STRBP: variants seen among roughly 807,000 people sequenced by gnomAD.
STRBP encodes spermatid perinuclear RNA-binding protein.
STRBP carries 13 observed loss-of-function variants against 80.1 expected under a neutral mutation model. The ratio of observed to expected loss-of-function variants is 0.16; its 90% confidence interval spans 0.11 to 0.26. The LOEUF (loss-of-function observed/expected upper bound fraction) is 0.26, where lower values mean the gene tolerates loss of function less well. STRBP is among the 10% of genes least tolerant of loss of function. The pLI is 1.00. For missense variants in STRBP, 485 were observed against 815.2 expected, an observed-to-expected ratio of 0.59 and a Z score of 4.93; for synonymous variants, 284 against 291.2, an observed-to-expected ratio of 0.98 and a Z score of 0.25.
chr9:123,199,590 T>C (rs1326123138), intron 2 of STRBP, among the ~76,000 whole-genome samples: 1 of 152,194 alleles, frequency 6.6e-6, no homozygotes, highest in Non-Finnish European at 1.5e-5. Flanking sequence ...TGTAGAGATC[T>C]TTCACCTCCT....
At chr9:123,128,912 A>G (rs917295347) in intron 17 of STRBP, among the ~76,000 whole-genome samples, 1 of 152,230 alleles carries the variant, frequency 6.6e-6, no homozygotes, top group Non-Finnish European at 1.5e-5. Flanking sequence ...TCTGGTACCT[A>G]TGAAAAAGGC....
chr9:123,232,752 GA>G (rs1346480733), intron 2 of STRBP, among the ~76,000 whole-genome samples: 2 of 152,140 alleles, frequency 1.3e-5, no homozygotes, highest in Admixed American at 6.5e-5. Flanking sequence ...GCAGAGTTAG[GA>G]AAAAACAGTC....
At chr9:123,223,015 T>C (rs1367991789) in intron 2 of STRBP, among the ~76,000 whole-genome samples, 1 of 149,174 alleles carries the variant, frequency 6.7e-6, no homozygotes, top group Non-Finnish European at 1.5e-5. Context: ...CATCAAAGCA[T>C]AAAAAAGACA....
In STRBP at chr9:123,124,548, AT is replaced by A; in HGVS notation, c.*1048del. 1.0e-6 allele frequency: 1 copy of A among 985,410 alleles called. No individual in the cohort carries two copies. The highest frequency in any genetic ancestry group is 1.2e-6 in the Non-Finnish European group (1 of 829,928). The allele number at this position is 985,410 out of a possible 1,614,324, so 61.0% of individuals were successfully genotyped here. On this transcript the variant is annotated 3_prime_UTR_variant, in exon 19 of 19. Coordinates refer to ENST00000348403, the MANE Select transcript of STRBP (RefSeq NM_018387.5). ...TGGGACAATCGAAGAGCAAGTTTTT[AT>A]GGGGACCCTGTTGCTGCTTTAGATT...
At position 123,125,690 on chromosome 9, in the gene STRBP, C is replaced by T. The variant is rs369914167; in HGVS notation, c.1943-17G>A. 4.4e-5 allele frequency: 70 copies of T among 1,585,570 alleles called. 1 individual carries two copies. The highest frequency in any genetic ancestry group is 3.3e-4 in the Middle Eastern group (2 of 5,998). On this transcript the variant is annotated splice_polypyrimidine_tract_variant and intron_variant, in intron 18 of 18. Transcript: ENST00000348403. ...TGGGTAAACCTACAGAGAAAAGAAACGGAGAGGACTCCAAATAAGTTTTAA... is the reference window on the plus strand; with the variant it reads ...TGGGTAAACCTACAGAGAAAAGAAATGGAGAGGACTCCAAATAAGTTTTAA...
chr9:123,205,306 C>G (rs2039475693), intron 2 of STRBP, among the ~76,000 whole-genome samples: 1 of 152,154 alleles, frequency 6.6e-6, no homozygotes, highest in Non-Finnish European at 1.5e-5. Flanking sequence ...CCTCCTCTGT[C>G]TGCTGAAGCA....
chr9:123,215,613 T>C (rs2039870051), intron 2 of STRBP, among the ~76,000 whole-genome samples: 2 of 152,044 alleles, frequency 1.3e-5, no homozygotes, highest in East Asian at 1.9e-4. Context: ...GGTGAAACCC[T>C]GTCTCTACTA....
chr9:123,235,228 A>AACTT (rs1274001199), intron 2 of STRBP, among the ~76,000 whole-genome samples: 1 of 152,066 alleles, frequency 6.6e-6, no homozygotes, highest in Admixed American at 6.5e-5. Context: ...TTTTGCATGT[A>AACTT]ACTTTTCTAA....
At chr9:123,211,476 T>C (rs996887534) in intron 2 of STRBP, among the ~76,000 whole-genome samples, 3 of 152,194 alleles carry the variant, frequency 2.0e-5, no homozygotes, top group South Asian at 4.1e-4. Flanking sequence ...TAGGTTATTA[T>C]AATAAGTACC....
At chr9:123,261,188 G>A in intron 1 of STRBP, among the ~76,000 whole-genome samples, 1 of 152,162 alleles carries the variant, frequency 6.6e-6, no homozygotes. Context: ...CTTTTTCTCA[G>A]ATTCATTACT....
At chr9:123,188,768 T>C (rs911475738) in intron 2 of STRBP, among the ~76,000 whole-genome samples, 1 of 152,218 alleles carries the variant, frequency 6.6e-6, no homozygotes, top group Admixed American at 6.5e-5. Context: ...ATACTTTCTT[T>C]AAAAATCCCA....
chr9:123,177,842 A>G (rs2038287498), intron 4 of STRBP, among the ~76,000 whole-genome samples: 1 of 152,276 alleles, frequency 6.6e-6, no homozygotes, highest in Non-Finnish European at 1.5e-5. Context: ...AACATGTAGC[A>G]AAGTGCAACT....
In STRBP at chr9:123,115,581, C is replaced by G; in HGVS notation, c.*84+348G>C. ...ACATTTTCTCCAACTGCTCCTTCTC[C>G]CCCATCACAGAGCCTGGTAAGAAGC... On this transcript the variant is annotated intron_variant and NMD_transcript_variant, in intron 3 of 3. Coordinates refer to the STRBP transcript ENST00000471564. The surrounding 1 kb of genome is among the most constrained non-coding windows in gnomAD (Gnocchi z 5.0). The G allele has an allele frequency of 2.8e-6, 1 of 352,464 alleles. No individual in the cohort carries two copies. Among genetic ancestry groups the G allele is most frequent in the Non-Finnish European group, 5.7e-6 (1 of 176,836 alleles). 21.8% of individuals were successfully genotyped at this position (352,464 alleles called of 1,614,324 possible). A position where few individuals can be genotyped will look rare whatever the true frequency, so the allele number is the denominator to read the frequency against.
intron 18 of STRBP, among the ~76,000 whole-genome samples, chr9:123,127,072 T>C (rs537138151): frequency 2.6e-5 from 4 of 152,336 alleles, no homozygotes; most frequent in African/African-American, 4.8e-5. Context: ...CTCTGCACTT[T>C]GCCTAAAAGA....
intron 14 of STRBP, among the ~76,000 whole-genome samples, chr9:123,139,055 G>T (rs1285975903): frequency 6.6e-6 from 1 of 152,142 alleles, no homozygotes; most frequent in Admixed American, 6.5e-5. Context: ...GATACATACT[G>T]TGTCAGGCTA....
intron 6 of STRBP, among the ~76,000 whole-genome samples, chr9:123,166,252 T>C (rs2037752634): frequency 2.6e-5 from 4 of 152,208 alleles, no homozygotes; most frequent in Non-Finnish European, 4.4e-5. Flanking sequence ...TGACCTACCA[T>C]GTGCACATTA....
At chr9:123,245,010 T>G (rs77810386) in intron 1 of STRBP, among the ~76,000 whole-genome samples, 2,114 of 152,300 alleles carry the variant, frequency 0.014, 15 homozygotes, top group African/African-American at 0.016. Context: ...ACAACTTGGA[T>G]GGATCTCAAA....
At chr9:123,191,693 C>T (rs2038932900) in intron 2 of STRBP, among the ~76,000 whole-genome samples, 1 of 151,964 alleles carries the variant, frequency 6.6e-6, no homozygotes, top group Non-Finnish European at 1.5e-5. Context: ...ATTTTTTAAC[C>T]ACTTAAAAGT....
chr9:123,121,118 C>A (rs2035726202), downstream of STRBP, among the ~76,000 whole-genome samples: 1 of 152,162 alleles, frequency 6.6e-6, no homozygotes, highest in South Asian at 2.1e-4. Flanking sequence ...CTGGATCGCA[C>A]TCAGTACTAG....
Sources: gnomAD v4.1 joint callset for allele counts (sites outside exome capture counted in the v4.1 genomes callset) on GRCh38, gnomAD v4.1.1 for gene constraint, Gnocchi (gnomAD v3.1) non-coding constraint, MANE v1.5 for transcripts, NCBI Gene and HGNC (gene_info 2026-07-23, HGNC 2026-07-21) for gene names.